PPM1L: variants seen among roughly 807,000 people sequenced by gnomAD.
The protein encoded by PPM1L is protein phosphatase, Mg2+/Mn2+ dependent 1L, also known as protein phosphatase 1L.
In PPM1L, 13 loss-of-function variants were observed where a neutral mutation model predicts 31.4. The ratio of observed to expected loss-of-function variants is 0.41; its 90% CI spans 0.27 to 0.66. The LOEUF is 0.66. Ranked by LOEUF, PPM1L falls within the 30% of genes least tolerant of loss-of-function variation. The probability of loss-of-function intolerance (pLI) is 0.29; values close to 1 mark genes in which losing one functional copy is unlikely to be tolerated. For missense variants in PPM1L, 326 were observed against 453.7 expected, an observed-to-expected ratio of 0.72 and a Z score of 2.56; for synonymous variants, 184 against 175.4, an observed-to-expected ratio of 1.05 and a Z score of -0.39.
chr3:160,873,409 A>G (rs1712388031), intron 1 of PPM1L, among the ~76,000 whole-genome samples: 1 of 152,170 alleles, frequency 6.6e-6, no homozygotes, highest in South Asian at 2.1e-4. Flanking sequence ...AAAACGGCTG[A>G]CTTATAGGTA....
chr3:160,938,538 A>G (rs1715054285), intron 1 of PPM1L, among the ~76,000 whole-genome samples: 1 of 152,222 alleles, frequency 6.6e-6, no homozygotes, highest in Non-Finnish European at 1.5e-5. Flanking sequence ...TCCAGATTAT[A>G]TAGGCTTTGC....
chr3:160,788,294 C>G (rs1711993403), intron 1 of PPM1L, among the ~76,000 whole-genome samples: 1 of 152,084 alleles, frequency 6.6e-6, no homozygotes. Flanking sequence ...TTTCTTTCAT[C>G]AGTGTTTTGT....
intron 2 of PPM1L, among the ~76,000 whole-genome samples, chr3:161,000,860 C>G (rs1717459230): frequency 6.6e-6 from 1 of 152,148 alleles, no homozygotes; most frequent in African/African-American, 2.4e-5. Flanking sequence ...TTACACAGCT[C>G]AAAGATATAT....
chr3:160,975,400 T>A (rs904471895), intron 2 of PPM1L, among the ~76,000 whole-genome samples: 3 of 152,210 alleles, frequency 2.0e-5, no homozygotes, highest in Admixed American at 1.3e-4. Flanking sequence ...TTTTTTCCAA[T>A]TCTGTGAAGA....
intron 2 of PPM1L, among the ~76,000 whole-genome samples, chr3:161,000,065 C>A (rs554031086): frequency 1.3e-5 from 2 of 152,112 alleles, no homozygotes; most frequent in African/African-American, 4.8e-5. Context: ...AATAGATGTT[C>A]GGTAAATGTT....
intron 1 of PPM1L, among the ~76,000 whole-genome samples, chr3:160,862,378 A>G (rs1369362910): frequency 6.6e-6 from 1 of 152,106 alleles, no homozygotes; most frequent in Non-Finnish European, 1.5e-5. Flanking sequence ...GTCCCTTTCA[A>G]TTCAGGCACT....
At chr3:160,793,938 CTGAT>C (rs1712172285) in intron 1 of PPM1L, among the ~76,000 whole-genome samples, 1 of 147,912 alleles carries the variant, frequency 6.8e-6, no homozygotes, top group Non-Finnish European at 1.5e-5. Flanking sequence ...CAGTTGAGCT[CTGAT>C]TGGTTGGTTT....
At chr3:161,009,261 C>CA (rs1376899231) in intron 2 of PPM1L, among the ~76,000 whole-genome samples, 1 of 152,138 alleles carries the variant, frequency 6.6e-6, no homozygotes, top group African/African-American at 2.4e-5. Context: ...ATGGTAAGGC[C>CA]AATTCACTGG....
At chr3:160,906,350 T>C (rs747206801) in intron 1 of PPM1L, among the ~76,000 whole-genome samples, 7 of 152,118 alleles carry the variant, frequency 4.6e-5, no homozygotes, top group Non-Finnish European at 8.8e-5. Flanking sequence ...ACGCCTGTAA[T>C]CCCAGCATTT....
intron 1 of PPM1L, among the ~76,000 whole-genome samples, chr3:160,945,673 C>G (rs776706979): frequency 9.2e-5 from 14 of 151,990 alleles, no homozygotes; most frequent in Non-Finnish European, 1.9e-4. Flanking sequence ...ATATAGTTGA[C>G]CCTTGAACAA....
rs1001777903 is a variant in PPM1L at position 161,074,412 on chromosome 3, T to C, written c.*5255T>C. 4 of 152,188 alleles carry C rather than the reference T, an allele frequency of 2.6e-5. No homozygotes were observed. Among genetic ancestry groups the C allele is most frequent in the African/African-American group, 7.2e-5 (3 of 41,448 alleles). 9.4% of individuals were successfully genotyped at this position (152,188 alleles called of 1,614,324 possible). On this transcript the variant is annotated 3_prime_UTR_variant, in exon 4 of 4. Transcript: ENST00000498165. ...GATGAAACAAATCTAGTCGAAAACA[T>C]GGTACAGAGTGAATTAAGGCAAAAG...
At chr3:160,899,769 T>A (rs767683422) in intron 1 of PPM1L, among the ~76,000 whole-genome samples, 19 of 152,216 alleles carry the variant, frequency 1.2e-4, no homozygotes, top group South Asian at 4.1e-4. Context: ...TTTATTAAGG[T>A]TTTCTATGTG....
chr3:160,955,158 G>A (rs1715729265), intron 1 of PPM1L, among the ~76,000 whole-genome samples: 2 of 151,426 alleles, frequency 1.3e-5, no homozygotes, highest in Non-Finnish European at 2.9e-5. Flanking sequence ...CTACAGGCAT[G>A]CACCACCATG....
intron 1 of PPM1L, among the ~76,000 whole-genome samples, chr3:160,838,136 C>T (rs1713773730): frequency 6.6e-6 from 1 of 152,162 alleles, no homozygotes; most frequent in Non-Finnish European, 1.5e-5. Flanking sequence ...TAACATTGGA[C>T]TCCAGGATTC....
intron 1 of PPM1L, among the ~76,000 whole-genome samples, chr3:160,958,088 GT>G (rs535726910): frequency 2.1e-3 from 315 of 152,224 alleles, no homozygotes; most frequent in Non-Finnish European, 3.6e-3. Context: ...TTTCAAAAAT[GT>G]TCTCCAGTTC....
chr3:160,811,031 T>C (rs762622736), intron 1 of PPM1L, among the ~76,000 whole-genome samples: 3 of 152,254 alleles, frequency 2.0e-5, no homozygotes, highest in Non-Finnish European at 4.4e-5. Flanking sequence ...CATTATGTTA[T>C]GGCCCTGTGA....
At chr3:160,769,735 A>G (rs1176638499) in intron 1 of PPM1L, among the ~76,000 whole-genome samples, 1 of 151,942 alleles carries the variant, frequency 6.6e-6, no homozygotes, top group Non-Finnish European at 1.5e-5. Context: ...CTCCTGTTTT[A>G]GATGATGAAT....
chr3:161,031,339 G>A (rs937104619), intron 2 of PPM1L, among the ~76,000 whole-genome samples: 6 of 152,160 alleles, frequency 3.9e-5, no homozygotes, highest in Non-Finnish European at 7.3e-5. Flanking sequence ...TATGTACCAG[G>A]ATGCATATTG....
intron 1 of PPM1L, among the ~76,000 whole-genome samples, chr3:160,806,892 AAGAG>A (rs199837070): frequency 0.022 from 3,251 of 151,176 alleles, 111 homozygotes; most frequent in African/African-American, 0.074. Context: ...GGAAGAAAGA[AAGAG>A]AGAGAGAAAG....
Sources: gnomAD v4.1 joint callset for allele counts (sites outside exome capture counted in the v4.1 genomes callset) on GRCh38, gnomAD v4.1.1 for gene constraint, MANE v1.5 for transcripts, NCBI Gene and HGNC (gene_info 2026-07-23, HGNC 2026-07-21) for gene names.